Variants in KIAA0319 observed in about 807,000 individuals in gnomAD.
KIAA0319 encodes the protein KIAA0319.
In KIAA0319, 83 loss-of-function variants were observed where a neutral mutation model predicts 108.4. The observed-to-expected ratio is 0.77, with a 90% CI of 0.64 to 0.92. The LOEUF is 0.92. Among genes scored for constraint, KIAA0319 ranks in the 40% least tolerant of loss-of-function variants. The pLI is 0.00. For synonymous variants in KIAA0319, 484 were observed against 510.4 expected (o/e 0.95, Z 0.70); for missense variants, 1,195 against 1,322.4 (o/e 0.90, Z 1.49).
intron 10 of KIAA0319, among the ~76,000 whole-genome samples, chr6:24,573,887 C>T (rs1035233320): frequency 1.1e-4 from 16 of 151,948 alleles, no homozygotes; most frequent in African/African-American, 3.9e-4. Flanking sequence ...GAGGCTACGG[C>T]GGGTGGATCA....
intron 1 of KIAA0319, among the ~76,000 whole-genome samples, chr6:24,615,047 C>T (rs553608234): frequency 1.3e-5 from 2 of 152,078 alleles, no homozygotes; most frequent in Admixed American, 1.3e-4. Flanking sequence ...TGATAAATCT[C>T]CTGAATAATT....
At chr6:24,605,045 T>C (rs780516407) in intron 1 of KIAA0319, among the ~76,000 whole-genome samples, 3 of 76,426 alleles carry the variant, frequency 3.9e-5, no homozygotes, top group African/African-American at 7.4e-5. Context: ...TTCACCATGT[T>C]GGCCAGGCTG....
At chr6:24,601,503 C>A (rs1295335928) in intron 1 of KIAA0319, among the ~76,000 whole-genome samples, 6 of 152,242 alleles carry the variant, frequency 3.9e-5, no homozygotes, top group African/African-American at 1.2e-4. Flanking sequence ...GAAAGGCAGT[C>A]AGCCACCATC....
chr6:24,596,115 G>A lies in KIAA0319; in HGVS notation c.559C>T (p.Leu187=). 6.2e-7 allele frequency: 1 copy of A among 1,614,170 alleles called. No individual in the cohort carries two copies. Among genetic ancestry groups the A allele is most frequent in the South Asian group, 1.1e-5 (1 of 91,088 alleles). ...AAGGCCCCCTCGCTGCCCGGCAGTA[G>A]GCCCCAGTCCGTGTACTCGGCACTC... The part of the protein sequence containing the change: ...RGSAEYTDWG[L]LPGSEGAFNS... Residue 187 remains leucine, a synonymous_variant, in exon 3 of 21, where the codon CTA becomes TTA. Transcript: ENST00000378214.
Position 24,629,520 on chromosome 6 carries a change from A to AAAAAAAAAAAAG in KIAA0319, c.-106+16204_-106+16215dup, listed in dbSNP as rs1235743676. Among the ~76,000 whole-genome samples the AAAAAAAAAAAAG allele has an allele frequency of 4.1e-5, 6 of 148,020 alleles. 1 individual carries two copies. Among genetic ancestry groups the AAAAAAAAAAAAG allele is most frequent in the Non-Finnish European group, 9.0e-5 (6 of 66,914 alleles). On this transcript the variant is annotated intron_variant, in intron 1 of 20. Coordinates refer to ENST00000378214, the MANE Select transcript of KIAA0319 (RefSeq NM_014809.4). ...ACAGAGTGAGACTCTGTCTCAAAAAAAAAAAAAAAAAGAAAGAAAACTCAG... is the reference window on the plus strand; with the variant it reads ...ACAGAGTGAGACTCTGTCTCAAAAAAAAAAAAAAAAAGAAAAAAAAAAAGAAAGAAAACTCAG...
chr6:24,622,086 C>T (rs1280121400), intron 1 of KIAA0319, among the ~76,000 whole-genome samples: 1 of 152,134 alleles, frequency 6.6e-6, no homozygotes, highest in East Asian at 1.9e-4. Context: ...TGAAGCACCA[C>T]ACCTCTAGGC....
At chr6:24,629,815 A>G (rs1037984594) in intron 1 of KIAA0319, among the ~76,000 whole-genome samples, 1 of 152,124 alleles carries the variant, frequency 6.6e-6, no homozygotes, top group African/African-American at 2.4e-5. Context: ...ATGTGCTTTT[A>G]TTGGCTGCAT....
intron 1 of KIAA0319, among the ~76,000 whole-genome samples, chr6:24,629,907 C>T (rs1169715404): frequency 6.6e-6 from 1 of 152,126 alleles, no homozygotes; most frequent in East Asian, 1.9e-4. Flanking sequence ...CATGACAAGG[C>T]CGGGCCTGGT....
chr6:24,549,098 G>T (rs1761054060), intron 20 of KIAA0319, among the ~76,000 whole-genome samples: 1 of 151,832 alleles, frequency 6.6e-6, no homozygotes. Context: ...GAGGCGGGTG[G>T]ATCACTTGAC....
Position 24,578,021 on chromosome 6 carries a change from A to G in KIAA0319, c.1505+89T>C, listed in dbSNP as rs543945386. On this transcript the variant is annotated intron_variant, in intron 9 of 20. Transcript: ENST00000378214. ...AAGCCAAATCTCTTTTGATCAAAATAAGAAGTGCAGTGTTTTATGTGCGTT... is the reference window on the plus strand; with the variant it reads ...AAGCCAAATCTCTTTTGATCAAAATGAGAAGTGCAGTGTTTTATGTGCGTT... The G allele has an allele frequency of 3.9e-4, 512 of 1,319,118 alleles. 2 individuals carry two copies. The Middle Eastern group carries it at 4.6e-3, about 12-fold the overall frequency. The allele number at this position is 1,319,118 out of a possible 1,614,324, so 81.7% of individuals were successfully genotyped here.
intron 5 of KIAA0319, 69 bp downstream of exon 5, chr6:24,583,535 G>T: frequency 1.0e-6 from 1 of 1,003,798 alleles, no homozygotes; most frequent in Non-Finnish European, 1.6e-6. Flanking sequence ...GTTGTAAATA[G>T]CCTGTAAGGA....
chr6:24,547,937 G>C (rs1210863544), intron 20 of KIAA0319, among the ~76,000 whole-genome samples: 2 of 152,146 alleles, frequency 1.3e-5, no homozygotes, highest in African/African-American at 4.8e-5. Context: ...GGAGGCTGAG[G>C]TGGGAGGATC....
At position 24,564,290 on chromosome 6, in the gene KIAA0319, C is replaced by A. The variant is rs570010479; in HGVS notation, c.2343G>T (p.Leu781=). The change falls in exon 15 of 21, where the codon CTG becomes CTT. Residue 781 remains leucine, a synonymous_variant. Transcript: ENST00000378214. ...AGTGGAAAGTGTACACCCCCTCCAC[C>A]AGATTCGTAAGCTGCAGAGCCACAC... ...DHSVALQLTN[L]VEGVYTFHLR... 1.9e-6 allele frequency: 3 copies of A among 1,614,164 alleles called. No homozygotes were observed. The highest frequency in any genetic ancestry group is 2.5e-6 in the Non-Finnish European group (3 of 1,180,024).
chr6:24,620,295 T>C (rs1048624607), intron 1 of KIAA0319, among the ~76,000 whole-genome samples: 1 of 152,184 alleles, frequency 6.6e-6, no homozygotes, highest in African/African-American at 2.4e-5. Flanking sequence ...ATGCTGACTA[T>C]CCCTAGTTGT....
At position 24,566,624 on chromosome 6, in the gene KIAA0319, G is replaced by C; in HGVS notation, c.2265C>G (p.Ile755Met). The C allele has an allele frequency of 6.2e-7, 1 of 1,612,048 alleles. No individual in the cohort carries two copies. Among genetic ancestry groups the C allele is most frequent in the Non-Finnish European group, 8.5e-7 (1 of 1,179,256 alleles). The change falls in exon 14 of 21, where the codon ATC becomes ATG. Residue 755 changes from isoleucine to methionine, a missense_variant. By Grantham distance (10) the Ile-to-Met change is conservative. Coordinates refer to ENST00000378214, the MANE Select transcript of KIAA0319 (RefSeq NM_014809.4). ...DDQRIVSYLWIRDGQSPAAGD... is the reference protein window; with the variant it reads ...DDQRIVSYLWMRDGQSPAAGD... ...CAGCTGCTGGACTCTGGCCATCCCG[G>C]ATCCACAGATAGGACACAATTCTTT...
At position 24,610,693 on chromosome 6, in the gene KIAA0319, G is replaced by T. The variant is rs530064509; in HGVS notation, c.-105-9485C>A. 1.6e-4 allele frequency among the ~76,000 whole-genome samples: 24 copies of T among 152,196 alleles called. No individual in the cohort carries two copies. In the East Asian group the frequency reaches 4.1e-3, roughly 26 times the overall value. ...CCCAGCACTTTGGGAGGCTGAGCGG[G>T]GAGGATCGCTTGAGCCCACGAGTTT... On this transcript the variant is annotated intron_variant, in intron 1 of 20. Transcript: ENST00000378214.
intron 11 of KIAA0319, among the ~76,000 whole-genome samples, chr6:24,571,293 G>A (rs1323509858): frequency 1.3e-5 from 2 of 151,008 alleles, no homozygotes; most frequent in East Asian, 3.9e-4. Context: ...TGTAATCCCA[G>A]TACTTTGGGA....
chr6:24,568,655 G>T, intron 13 of KIAA0319, 126 bp downstream of exon 13: 1 of 929,346 alleles, frequency 1.1e-6, no homozygotes, highest in Non-Finnish European at 1.6e-6. Flanking sequence ...CAGCCAGGCA[G>T]GGTTCGGCAT....
Position 24,601,091 on chromosome 6 carries a change from TG to T in KIAA0319, c.12del (p.Thr5GlnfsTer11). The T allele has an allele frequency of 6.2e-7, 1 of 1,614,012 alleles. No individual in the cohort carries two copies. Among genetic ancestry groups the T allele is most frequent in the Non-Finnish European group, 8.5e-7 (1 of 1,179,984 alleles). ...AGCAGCAATGAAGAGAGCACACCTG[TG>T]GGGGGCGCCATTGTGCACCACACAG... MAP[P>X]TGVLSSLLLL... On this transcript the variant is annotated frameshift_variant, in exon 2 of 21. Coordinates refer to ENST00000378214, the MANE Select transcript of KIAA0319 (RefSeq NM_014809.4). LOFTEE classifies it high-confidence loss of function.
Sources: allele counts gnomAD v4.1 joint callset (sites outside exome capture counted in the v4.1 genomes callset), GRCh38; gene constraint gnomAD v4.1.1; transcripts MANE v1.5; gene names NCBI Gene and HGNC (gene_info 2026-07-23, HGNC 2026-07-21).